Variants in ITIH6 observed in about 807,000 individuals in gnomAD.
ITIH6 encodes inter-alpha-trypsin inhibitor heavy chain H6.
A neutral mutation model predicts 58.2 loss-of-function variants in ITIH6; 60 were observed. That is an observed-to-expected ratio of 1.03 (90% CI 0.84 to 1.28). The LOEUF is 1.28. ITIH6 is among the 50% of genes most tolerant of loss of function. The pLI is 0.00. For missense variants in ITIH6, 1,290 were observed against 1,021.1 expected, an observed-to-expected ratio of 1.26 and a Z score of -3.59; for synonymous variants, 493 against 417.4, an observed-to-expected ratio of 1.18 and a Z score of -2.21.
intron 5 of ITIH6, among the ~76,000 whole-genome samples, chrX:54,778,231 G>A (rs12390506): frequency 0.056 from 5,294 of 94,436 alleles, 404 homozygotes; most frequent in African/African-American, 0.2. Flanking sequence ...GTCTCCCTCC[G>A]TCACCCAGGC....
intron 11 of ITIH6, 127 bp downstream of exon 11, chrX:54,753,524 G>A: frequency 2.1e-6 from 1 of 467,887 alleles, no homozygotes; most frequent in Non-Finnish European, 3.8e-6. Flanking sequence ...GTGTGTTCTT[G>A]TGTGTTACCG....
chrX:54,792,186 C>T (rs922255529), intron 2 of ITIH6, 150 bp from the exon 3 acceptor site: 8 of 400,018 alleles, frequency 2.0e-5, no homozygotes, highest in South Asian at 1.1e-4. Context: ...CCAGTGTGAG[C>T]GGCAAGAAGA....
chrX:54,773,505 T>C (rs999498881), intron 6 of ITIH6, among the ~76,000 whole-genome samples: 2 of 111,187 alleles, frequency 1.8e-5, no homozygotes, highest in Non-Finnish European at 3.8e-5. Flanking sequence ...GGTATTATGG[T>C]ATGAAATGCT....
intron 9 of ITIH6, 55 bp downstream of exon 9, chrX:54,754,962 A>C: frequency 2.2e-6 from 2 of 905,842 alleles, no homozygotes. Context: ...TAAGAATTCT[A>C]ATGGAATGGA....
At chrX:54,771,137 G>T (rs925271179) in intron 6 of ITIH6, among the ~76,000 whole-genome samples, 1 of 111,792 alleles carries the variant, frequency 8.9e-6, no homozygotes, top group African/African-American at 3.3e-5. Context: ...TTTTTCTGCT[G>T]TCTGAATATG....
chrX:54,756,561 C>A (rs1321122060), intron 8 of ITIH6, among the ~76,000 whole-genome samples: 2 of 111,525 alleles, frequency 1.8e-5, no homozygotes, highest in Non-Finnish European at 3.8e-5. Flanking sequence ...CTACCCCTGT[C>A]ATTAAGCAGG....
intron 2 of ITIH6, among the ~76,000 whole-genome samples, chrX:54,794,584 C>A (rs1929407487): frequency 9.0e-6 from 1 of 110,906 alleles, no homozygotes; most frequent in Non-Finnish European, 1.9e-5. Context: ...CCCCCAAATT[C>A]CCTGGCTCTG....
chrX:54,788,334 C>T (rs1244700760), intron 5 of ITIH6, 146 bp downstream of exon 5: 23 of 474,580 alleles, frequency 4.8e-5, no homozygotes, highest in Non-Finnish European at 5.9e-5. Flanking sequence ...AAGTTGAAGC[C>T]GTGTGTCTTT....
chrX:54,792,110 C>A, intron 2 of ITIH6, 74 bp from the exon 3 acceptor site: 1 of 705,509 alleles, frequency 1.4e-6, no homozygotes, highest in East Asian at 3.2e-5. Flanking sequence ...GAGAAAGAGA[C>A]ACATGAGGTA....
intron 6 of ITIH6, among the ~76,000 whole-genome samples, chrX:54,760,785 G>A (rs1928623270): frequency 9.0e-6 from 1 of 111,540 alleles, no homozygotes; most frequent in Admixed American, 9.5e-5. Context: ...TTTTATGGCT[G>A]CATAGTATTC....
At chrX:54,761,563 G>T (rs375285972) in intron 6 of ITIH6, among the ~76,000 whole-genome samples, 86 of 111,373 alleles carry the variant, frequency 7.7e-4, no homozygotes, top group African/African-American at 2.8e-3. Context: ...GGGTTTTTAT[G>T]GTTTTAGGTC....
At chrX:54,781,491 C>T (rs765509413) in intron 5 of ITIH6, among the ~76,000 whole-genome samples, 6 of 112,354 alleles carry the variant, frequency 5.3e-5, no homozygotes, top group East Asian at 2.8e-4. Flanking sequence ...AGCTCAACAT[C>T]GTTGATCATT....
At chrX:54,783,401 C>T (rs780616118) in intron 5 of ITIH6, among the ~76,000 whole-genome samples, 1 of 111,918 alleles carries the variant, frequency 8.9e-6, no homozygotes, top group African/African-American at 3.2e-5. Context: ...GTCAAATTAT[C>T]CTTGTTTGCA....
intron 4 of ITIH6, among the ~76,000 whole-genome samples, chrX:54,788,996 G>C (rs921975033): frequency 7.1e-5 from 8 of 112,535 alleles, no homozygotes; most frequent in Non-Finnish European, 9.4e-5. Context: ...CCGGAGGTAC[G>C]CCAGCAGCCC....
intron 6 of ITIH6, 84 bp downstream of exon 6, chrX:54,773,997 C>T: frequency 7.5e-6 from 4 of 530,720 alleles, no homozygotes; most frequent in Non-Finnish European, 1.2e-5. Flanking sequence ...AATCTCTTCT[C>T]CCAGGGCCCC....
At chrX:54,764,116 C>T (rs780782915) in intron 6 of ITIH6, among the ~76,000 whole-genome samples, 19 of 111,663 alleles carry the variant, frequency 1.7e-4, no homozygotes, top group East Asian at 8.4e-4. Context: ...AAACAACCTA[C>T]AATTGGGTCT....
chrX:54,758,023 G>T lies in ITIH6; in HGVS notation c.2051C>A (p.Ser684Tyr), dbSNP rs778289721. 1 of 1,209,940 alleles carries T rather than the reference G, an allele frequency of 8.3e-7. No homozygotes were observed. The highest frequency in any genetic ancestry group is 2.2e-5 in the Admixed American group (1 of 45,787). ...TTASTKKMLS[S>Y]KELEPLGESP... ...CTCTCCCAATGGCTCCAGCTCTTTGGAACTTAGCATCTTCTTGGTAGAGGC... is the reference window on the plus strand; with the variant it reads ...CTCTCCCAATGGCTCCAGCTCTTTGTAACTTAGCATCTTCTTGGTAGAGGC... The change falls in exon 8 of 13, where the codon TCC becomes TAC. Residue 684 changes from serine (S) to tyrosine (Y), a missense_variant. Transcript: ENST00000218436.
chrX:54,749,793 T>C lies in ITIH6; in HGVS notation c.*102A>G. On this transcript the variant is annotated 3_prime_UTR_variant, in exon 13 of 13. Transcript: ENST00000218436. ...ACATGCGTGAGTCTGTGTGTCCCTG[T>C]GTGTGCTTCCATGTCCTTGGGTCTC... 3.3e-6 allele frequency: 2 copies of C among 604,082 alleles called. No individual in the cohort carries two copies. Among genetic ancestry groups the C allele is most frequent in the Non-Finnish European group, 5.2e-6 (2 of 383,975 alleles). The allele number at this position is 604,082 out of a possible 1,213,427, so 49.8% of individuals were successfully genotyped here. A position where few individuals can be genotyped will look rare whatever the true frequency, so the allele number is the denominator to read the frequency against.
chrX:54,773,075 C>T (rs1230671173), intron 6 of ITIH6, among the ~76,000 whole-genome samples: 6 of 111,799 alleles, frequency 5.4e-5, no homozygotes, highest in Admixed American at 4.7e-4. Flanking sequence ...TTTGGTTTTC[C>T]CTAGGAACAT....
Sources: gnomAD v4.1 joint callset for allele counts (sites outside exome capture counted in the v4.1 genomes callset) on GRCh38, gnomAD v4.1.1 for gene constraint, MANE v1.5 for transcripts, NCBI Gene and HGNC (gene_info 2026-07-23, HGNC 2026-07-21) for gene names.